The following ITPR1 variants were observed in gnomAD, a reference collection of about 807,000 sequenced individuals.
ITPR1 encodes the protein inositol 1,4,5-trisphosphate-gated calcium channel ITPR1.
ITPR1 carries 96 observed loss-of-function variants against 318.4 expected under a neutral mutation model. That is an observed-to-expected ratio of 0.30 (90% CI 0.26 to 0.36). The LOEUF (loss-of-function observed/expected upper bound fraction) is 0.36. Ranked by LOEUF, ITPR1 falls within the 10% of genes least tolerant of loss-of-function variation. The pLI is 1.00. For synonymous variants in ITPR1, 1,312 were observed against 1,289.9 expected, an observed-to-expected ratio of 1.02 and a Z score of -0.37; for missense variants, 2,440 against 3,460.2, an observed-to-expected ratio of 0.71 and a Z score of 7.40.
rs1020207172 is a variant in ITPR1, at chr3:4,680,655, G to A, written c.3070G>A (p.Gly1024Arg). ...SNSQTSETSS[G>R]NSSQEGPSNV... ...TTCCCAGACTTCAGAAACATCCTCCGGAAACAGCAGCCAAGAAGGGCCAAG... is the reference window on the plus strand; with the variant it reads ...TTCCCAGACTTCAGAAACATCCTCCAGAAACAGCAGCCAAGAAGGGCCAAG... Residue 1024 changes from glycine (G) to arginine (R), a missense_variant, in exon 25 of 62, where the codon GGA (glycine) becomes AGA (arginine). Gly to Arg is a moderately radical substitution (Grantham distance 125, BLOSUM62 -2). Coordinates refer to ENST00000649015, the MANE Select transcript of ITPR1 (RefSeq NM_001378452.1). 4 of 1,613,362 alleles carry A rather than the reference G, an allele frequency of 2.5e-6. No individual in the cohort carries two copies. The highest frequency in any genetic ancestry group is 1.3e-5 in the African/African-American group (1 of 74,892).
intron 57 of ITPR1, chr3:4,814,213 C>G: frequency 1.7e-6 from 1 of 582,558 alleles, no homozygotes; most frequent in Non-Finnish European, 3.1e-6. Context: ...ACTACCATAG[C>G]TGGAGAAATT....
chr3:4,594,984 A>G (rs2090688732), intron 4 of ITPR1, among the ~76,000 whole-genome samples: 1 of 152,094 alleles, frequency 6.6e-6, no homozygotes, highest in Non-Finnish European at 1.5e-5. Context: ...CTGGTTTTCA[A>G]ACCCTTCCTT....
rs141150032 is a variant in ITPR1, at chr3:4,810,365, C to A, written c.7273-900C>A. On this transcript the variant is annotated intron_variant, in intron 55 of 61. Coordinates refer to ENST00000649015, the MANE Select transcript of ITPR1 (RefSeq NM_001378452.1). Reference sequence around the variant, plus strand: ...CCCAGTCAAGTATCTGTGACTGTAGCTCTTGGAAAACTAGCCATCATCCTC... The same window carrying A: ...CCCAGTCAAGTATCTGTGACTGTAGATCTTGGAAAACTAGCCATCATCCTC... 2.8e-4 allele frequency among the ~76,000 whole-genome samples: 42 copies of A among 152,296 alleles called. 1 individual carries two copies. The East Asian group carries it at 8.1e-3, about 29-fold the overall frequency.
intron 44 of ITPR1, among the ~76,000 whole-genome samples, chr3:4,746,788 G>A (rs2044140049): frequency 6.6e-6 from 1 of 152,190 alleles, no homozygotes; most frequent in African/African-American, 2.4e-5. Context: ...AGCTCAGCAT[G>A]GAGCTTTTAA....
intron 15 of ITPR1, 133 bp from the exon 16 acceptor site, chr3:4,662,932 G>C: frequency 1.5e-6 from 1 of 669,496 alleles, no homozygotes; most frequent in Non-Finnish European, 2.6e-6. Context: ...TCTGTTGTCA[G>C]TTTCAAAGAA....
rs545060805 is a variant in ITPR1 at position 4,793,804 on chromosome 3, T to C, written c.6809-1261T>C. Among the ~76,000 whole-genome samples, 12 of 152,322 alleles carry C rather than the reference T, an allele frequency of 7.9e-5. No individual in the cohort carries two copies. The South Asian group carries it at 2.3e-3, about 29-fold the overall frequency. ...ATACAATGAGGGATTTTAAACTAGA[T>C]GATTGCTCATGGCTCTAAAACTCTA... On this transcript the variant is annotated intron_variant, in intron 52 of 61. Coordinates refer to ENST00000649015, the MANE Select transcript of ITPR1 (RefSeq NM_001378452.1).
chr3:4,684,622 T>G (rs2094358472), intron 29 of ITPR1, among the ~76,000 whole-genome samples: 1 of 152,214 alleles, frequency 6.6e-6, no homozygotes, highest in South Asian at 2.1e-4. Flanking sequence ...GCTTTACAAT[T>G]GAAGGAAGGA....
chr3:4,816,923 G>T (rs1457528476), intron 59 of ITPR1, among the ~76,000 whole-genome samples: 1 of 151,820 alleles, frequency 6.6e-6, no homozygotes, highest in Non-Finnish European at 1.5e-5. Flanking sequence ...GCTTTTTATT[G>T]TAAGAAAGAA....
intron 10 of ITPR1, among the ~76,000 whole-genome samples, chr3:4,650,809 A>G: frequency 6.6e-6 from 1 of 151,884 alleles, no homozygotes; most frequent in East Asian, 1.9e-4. Context: ...GTCATTTGAT[A>G]TTGTCTGACA....
At chr3:4,573,133 C>G (rs1226106901) in intron 4 of ITPR1, among the ~76,000 whole-genome samples, 1 of 152,082 alleles carries the variant, frequency 6.6e-6, no homozygotes, top group Non-Finnish European at 1.5e-5. Flanking sequence ...TATATAGTAG[C>G]TCTACTTTTG....
chr3:4,654,796 T>C (rs925561898), intron 12 of ITPR1, among the ~76,000 whole-genome samples: 15 of 152,206 alleles, frequency 9.9e-5, no homozygotes, highest in Non-Finnish European at 1.8e-4. Context: ...TTGGAAAGTG[T>C]TGTGAATTCT....
At chr3:4,774,216 C>G (rs1044445094) in intron 46 of ITPR1, among the ~76,000 whole-genome samples, 2 of 152,118 alleles carry the variant, frequency 1.3e-5, no homozygotes, top group African/African-American at 4.8e-5. Flanking sequence ...GGGATCTACT[C>G]GGTGTTTCTA....
At chr3:4,612,295 C>G (rs1017831666) in intron 4 of ITPR1, among the ~76,000 whole-genome samples, 1 of 151,898 alleles carries the variant, frequency 6.6e-6, no homozygotes, top group Admixed American at 6.6e-5. Flanking sequence ...CTCCTGACCT[C>G]AGGTGATCCG....
At chr3:4,642,301 C>T in intron 7 of ITPR1, 50 bp downstream of exon 7, 1 of 1,420,508 alleles carries the variant, frequency 7.0e-7, no homozygotes, top group East Asian at 2.4e-5. Flanking sequence ...TGCTTCCAAG[C>T]ATGACTGTAT....
intron 30 of ITPR1, among the ~76,000 whole-genome samples, chr3:4,687,413 A>G (rs2094412879): frequency 1.3e-5 from 2 of 152,182 alleles, no homozygotes; most frequent in Non-Finnish European, 2.9e-5. Context: ...GGATGAGTAA[A>G]CAGCGACACT....
At chr3:4,761,739 G>T (rs530597553) in intron 44 of ITPR1, among the ~76,000 whole-genome samples, 51 of 152,310 alleles carry the variant, frequency 3.3e-4, no homozygotes, top group African/African-American at 1.1e-3. Flanking sequence ...GGGTAGAGGG[G>T]CCGTGCTTCA....
intron 4 of ITPR1, among the ~76,000 whole-genome samples, chr3:4,538,546 GT>G (rs2084093230): frequency 6.6e-6 from 1 of 152,130 alleles, no homozygotes; most frequent in Non-Finnish European, 1.5e-5. Context: ...CCATTCCTGG[GT>G]TTAAACCCAA....
chr3:4,585,316 C>T (rs756432672), intron 4 of ITPR1, among the ~76,000 whole-genome samples: 1 of 152,242 alleles, frequency 6.6e-6, no homozygotes, highest in Non-Finnish European at 1.5e-5. Flanking sequence ...AGTCATTCTG[C>T]ACTAGAGAGT....
Position 4,756,638 on chromosome 3 carries a change from A to ACGTTCCCACAAAAGATATGATCT in ITPR1, c.5545-9886_5545-9864dup, listed in dbSNP as rs1465840829. Among the ~76,000 whole-genome samples the ACGTTCCCACAAAAGATATGATCT allele has an allele frequency of 4.6e-5, 7 of 152,104 alleles. 1 individual carries two copies. The South Asian group carries it at 1.0e-3, about 23-fold the overall frequency. On this transcript the variant is annotated intron_variant, in intron 44 of 61. Transcript: ENST00000649015. Reference sequence around the variant, plus strand: ...AGGATAATAGCCTCCAGCTCCATCCACGTTCCCACAAAAGATATGATCTCG... The same window carrying ACGTTCCCACAAAAGATATGATCT: ...AGGATAATAGCCTCCAGCTCCATCCACGTTCCCACAAAAGATATGATCTCGTTCCCACAAAAGATATGATCTCG...
Sources: allele counts gnomAD v4.1 joint callset (sites outside exome capture counted in the v4.1 genomes callset), GRCh38; gene constraint gnomAD v4.1.1; transcripts MANE v1.5; gene names NCBI Gene and HGNC (gene_info 2026-07-23, HGNC 2026-07-21).